Variants in GTF2A1 observed in about 807,000 individuals in gnomAD.
The protein encoded by GTF2A1 is general transcription factor IIA subunit 1.
Under a neutral mutation model 54.1 loss-of-function variants are expected in GTF2A1, and 12 were observed. The ratio of observed to expected loss-of-function variants is 0.22; its 90% CI spans 0.14 to 0.36. The LOEUF (loss-of-function observed/expected upper bound fraction) is 0.36, where lower values mean the gene tolerates loss of function less well. GTF2A1 is among the 10% of genes least tolerant of loss of function. GTF2A1 has a pLI of 1.00. For missense variants in GTF2A1, 335 were observed against 442.2 expected (o/e 0.76, Z 2.17); for synonymous variants, 145 against 152.0 (o/e 0.95, Z 0.34).
intron 4 of GTF2A1, 80 bp downstream of exon 4, chr14:81,201,514 T>C (rs1240095945): frequency 5.0e-6 from 4 of 793,084 alleles, no homozygotes; most frequent in Admixed American, 4.2e-5. Context: ...AAGTAGTTAA[T>C]ATAGGACATA....
chr14:81,200,885 C>CAAAAAAA (rs36025974), intron 4 of GTF2A1, among the ~76,000 whole-genome samples: 8 of 111,098 alleles, frequency 7.2e-5, no homozygotes, highest in African/African-American at 1.2e-4. Context: ...ATGTTTTATC[C>CAAAAAAA]AAAAAAAAAA....
chr14:81,221,149 C>T (rs1893641604), upstream of GTF2A1: 1 of 152,280 alleles, frequency 6.6e-6, no homozygotes. Context: ...CGGACCTACG[C>T]CTCTCCAACG....
chr14:81,207,838 T>C (rs554551552), intron 2 of GTF2A1, among the ~76,000 whole-genome samples: 1 of 152,228 alleles, frequency 6.6e-6, no homozygotes, highest in Non-Finnish European at 1.5e-5. Context: ...CCCGAGAGAT[T>C]TGTGGAACTT....
intron 6 of GTF2A1, among the ~76,000 whole-genome samples, chr14:81,195,811 G>GA (rs1892980800): frequency 6.6e-6 from 1 of 151,976 alleles, no homozygotes; most frequent in African/African-American, 2.4e-5. Flanking sequence ...TGAATACCCC[G>GA]AGACTCAGTA....
chr14:81,185,957 A>T (rs181029819), intron 7 of GTF2A1, among the ~76,000 whole-genome samples: 98 of 152,260 alleles, frequency 6.4e-4, no homozygotes, highest in African/African-American at 2.2e-3. Context: ...GCTTCGAGCA[A>T]TTCTCCTGCC....
intron 7 of GTF2A1, among the ~76,000 whole-genome samples, chr14:81,191,122 C>A (rs1211295526): frequency 7.9e-6 from 1 of 127,358 alleles, no homozygotes; most frequent in Non-Finnish European, 1.7e-5. Context: ...TGAGGAAATG[C>A]AAACTAAAAC....
intron 4 of GTF2A1, among the ~76,000 whole-genome samples, chr14:81,200,628 A>C (rs1424877900): frequency 7.5e-6 from 1 of 133,230 alleles, no homozygotes; most frequent in South Asian, 2.5e-4. Context: ...CTCCATCTTC[A>C]AAAAAAAAAA....
intron 7 of GTF2A1, among the ~76,000 whole-genome samples, chr14:81,189,538 G>C (rs1395953382): frequency 3.3e-5 from 5 of 152,102 alleles, no homozygotes; most frequent in Admixed American, 3.3e-4. Flanking sequence ...GGGCGAGGTG[G>C]CGGGCACCTC....
At position 81,220,878 on chromosome 14, in the gene GTF2A1, G is replaced by A. The variant is rs1028009587; in HGVS notation, c.-360C>T. ...CCACCGGCTGCAGCTCCAGCCGTCC[G>A]GTCCGCCCGCTTCTCTCCTTTATAT... On this transcript the variant is annotated 5_prime_UTR_variant, in exon 1 of 9. Transcript: ENST00000553612. 13 of 258,240 alleles carry A rather than the reference G, an allele frequency of 5.0e-5. No individual in the cohort carries two copies. The highest frequency in any genetic ancestry group is 7.3e-5 in the Non-Finnish European group (10 of 136,800). 16.0% of individuals were successfully genotyped at this position (258,240 alleles called of 1,614,324 possible).
chr14:81,199,734 A>C (rs945141908), intron 4 of GTF2A1, among the ~76,000 whole-genome samples: 3 of 151,954 alleles, frequency 2.0e-5, no homozygotes, highest in African/African-American at 7.3e-5. Context: ...CTTTAGAATA[A>C]AGGAGACTTA....
At chr14:81,202,786 C>G (rs746445348) in intron 3 of GTF2A1, 2 of 517,402 alleles carry the variant, frequency 3.9e-6, no homozygotes, top group Non-Finnish European at 7.7e-6. Flanking sequence ...TTTATGATGA[C>G]CTAAAATCCT....
intron 7 of GTF2A1, among the ~76,000 whole-genome samples, chr14:81,188,430 T>C (rs1179607813): frequency 1.3e-4 from 19 of 151,948 alleles, no homozygotes; most frequent in Admixed American, 6.6e-5. Context: ...ATCTACAAAG[T>C]CCACTTTTTC....
chr14:81,220,773 CG>C lies in GTF2A1; in HGVS notation c.-256del. On this transcript the variant is annotated 5_prime_UTR_variant, in exon 1 of 9. Transcript: ENST00000553612. ...AAAAAGCCACGACCCTTCAGGGGTCCGGGGGGCGTTGCCCGCTCCCCACCCC... is the reference window on the plus strand; with the variant it reads ...AAAAAGCCACGACCCTTCAGGGGTCCGGGGGCGTTGCCCGCTCCCCACCCC... 8.1e-6 allele frequency: 3 copies of C among 368,570 alleles called. No individual in the cohort carries two copies. Among genetic ancestry groups the C allele is most frequent in the Non-Finnish European group, 1.5e-5 (3 of 205,558 alleles). The allele number at this position is 368,570 out of a possible 1,614,324, so 22.8% of individuals were successfully genotyped here. A position where few individuals can be genotyped will look rare whatever the true frequency, so the allele number is the denominator to read the frequency against.
Position 81,201,668 on chromosome 14 carries a change from A to C in GTF2A1, c.338-10T>G. On this transcript the variant is annotated splice_polypyrimidine_tract_variant and intron_variant, in intron 3 of 8. Coordinates refer to ENST00000553612, the MANE Select transcript of GTF2A1 (RefSeq NM_015859.4). ...ACTTGTGGTGCTGTGGCTACAAAAAAACAAGCGAACATGCAAACAAGGAAC... is the reference window on the plus strand; with the variant it reads ...ACTTGTGGTGCTGTGGCTACAAAAACACAAGCGAACATGCAAACAAGGAAC... The C allele has an allele frequency of 6.3e-7, 1 of 1,597,470 alleles. No individual in the cohort carries two copies. The highest frequency in any genetic ancestry group is 1.1e-5 in the South Asian group (1 of 90,670).
At chr14:81,211,875 T>TTATATATA (rs757044041) in intron 2 of GTF2A1, among the ~76,000 whole-genome samples, 827 of 68,324 alleles carry the variant, frequency 0.012, 16 homozygotes, top group East Asian at 0.042. Context: ...ATCAAGTACT[T>TTATATATA]TATATATATA....
chr14:81,213,106 T>C (rs1893408845), intron 2 of GTF2A1, among the ~76,000 whole-genome samples: 1 of 152,242 alleles, frequency 6.6e-6, no homozygotes, highest in African/African-American at 2.4e-5. Flanking sequence ...TTTGTTCAGT[T>C]AGATTCAGGT....
chr14:81,210,015 G>A (rs1193832417), intron 2 of GTF2A1: 22 of 590,264 alleles, frequency 3.7e-5, no homozygotes, highest in African/African-American at 6.0e-5. Flanking sequence ...GACATTTTCG[G>A]CAGGACAATT....
rs772600412 is a variant in GTF2A1, at chr14:81,175,966, T to C, written c.*4257A>G. ...AGTATTAATCATTTGTAACACAGTT[T>C]ACTAATTCAAATTGACATCTCAATC... is the stretch of plus-strand genomic sequence containing the variant. On this transcript the variant is annotated 3_prime_UTR_variant, in exon 9 of 9. Transcript: ENST00000553612. 16 of 152,214 alleles carry C rather than the reference T, an allele frequency of 1.1e-4. No individual in the cohort carries two copies. Among genetic ancestry groups the C allele is most frequent in the Admixed American group, 2.6e-4 (4 of 15,286 alleles). The allele number at this position is 152,214 out of a possible 1,614,324, so 9.4% of individuals were successfully genotyped here. A position where few individuals can be genotyped will look rare whatever the true frequency, so the allele number is the denominator to read the frequency against.
intron 5 of GTF2A1, among the ~76,000 whole-genome samples, chr14:81,196,637 T>C (rs947152015): frequency 2.6e-5 from 4 of 152,212 alleles, no homozygotes; most frequent in Non-Finnish European, 4.4e-5. Context: ...ATAGCTCATT[T>C]AATATCTTGA....
Sources: gnomAD v4.1 joint callset for allele counts (sites outside exome capture counted in the v4.1 genomes callset) on GRCh38, gnomAD v4.1.1 for gene constraint, MANE v1.5 for transcripts, NCBI Gene and HGNC (gene_info 2026-07-23, HGNC 2026-07-21) for gene names.